Variants in NRXN3 observed in about 807,000 individuals in gnomAD.
NRXN3 encodes the protein neurexin 3.
In NRXN3, 32 loss-of-function variants were observed where a neutral mutation model predicts 137.6. That is an observed-to-expected ratio of 0.23 (90% CI 0.18 to 0.31). NRXN3 has a LOEUF of 0.31. Ranked by LOEUF, NRXN3 falls within the 10% of genes least tolerant of loss-of-function variation. The probability of loss-of-function intolerance (pLI) is 1.00; values close to 1 mark genes in which losing one functional copy is unlikely to be tolerated. For synonymous variants in NRXN3, 798 were observed against 784.5 expected (o/e 1.02, Z -0.29); for missense variants, 1,574 against 2,062.5 (o/e 0.76, Z 4.59).
intron 15 of NRXN3, among the ~76,000 whole-genome samples, chr14:79,451,706 G>A (rs780072933): frequency 2.0e-5 from 3 of 152,264 alleles, no homozygotes; most frequent in South Asian, 2.1e-4. Context: ...GAAGTGGGAG[G>A]GCTGATCAAA....
intron 15 of NRXN3, among the ~76,000 whole-genome samples, chr14:79,438,005 C>A (rs1160829436): frequency 2.0e-5 from 3 of 152,152 alleles, no homozygotes; most frequent in African/African-American, 7.2e-5. Flanking sequence ...TACCCCCAGG[C>A]CTCAGCGTGG....
At chr14:79,593,517 G>A (rs11844042) in intron 16 of NRXN3, among the ~76,000 whole-genome samples, 1 of 151,392 alleles carries the variant, frequency 6.6e-6, no homozygotes, top group Non-Finnish European at 1.5e-5. Flanking sequence ...TGTAGTCCCA[G>A]GTACTCGGGA....
chr14:78,630,641 G>C (rs1224383127), intron 4 of NRXN3, among the ~76,000 whole-genome samples: 1 of 126,100 alleles, frequency 7.9e-6, no homozygotes, highest in Non-Finnish European at 1.6e-5. Flanking sequence ...GTCTCATTCT[G>C]TCACCCAGGC....
intron 15 of NRXN3, among the ~76,000 whole-genome samples, chr14:79,088,448 A>C (rs1254066655): frequency 6.7e-6 from 1 of 150,166 alleles, no homozygotes; most frequent in African/African-American, 2.5e-5. Context: ...AGGTTTGAAC[A>C]CTTTTAAAGG....
At chr14:78,334,078 A>G (rs1163774703) in intron 4 of NRXN3, among the ~76,000 whole-genome samples, 2 of 152,182 alleles carry the variant, frequency 1.3e-5, no homozygotes, top group African/African-American at 4.8e-5. Flanking sequence ...GCAGGAAGGA[A>G]GGTATTGCCT....
At chr14:79,708,683 A>G (rs1160569909) in intron 19 of NRXN3, among the ~76,000 whole-genome samples, 2 of 152,162 alleles carry the variant, frequency 1.3e-5, no homozygotes, top group Non-Finnish European at 2.9e-5. Flanking sequence ...TGTAAAAATT[A>G]GAAACACACT....
rs199804084 is a variant in NRXN3 at position 78,584,259 on chromosome 14, T to A, written c.758-60861T>A. On this transcript the variant is annotated intron_variant, in intron 4 of 20. Transcript: ENST00000335750. ...GAGATTGAACAAGCAGAAATTCATA[T>A]AAGAGCCATACTGAGTTTACATCAG... 1.1e-4 allele frequency among the ~76,000 whole-genome samples: 17 copies of A among 152,332 alleles called. No individual in the cohort carries two copies. In the East Asian group the frequency reaches 3.3e-3, roughly 29 times the overall value.
intron 16 of NRXN3, among the ~76,000 whole-genome samples, chr14:79,527,436 G>T (rs559685424): frequency 6.6e-6 from 1 of 151,966 alleles, no homozygotes; most frequent in South Asian, 2.1e-4. Context: ...CTCTTAAGCA[G>T]AAGAAAAAGC....
intron 15 of NRXN3, among the ~76,000 whole-genome samples, chr14:79,191,155 G>T (rs2064251492): frequency 6.6e-6 from 1 of 152,194 alleles, no homozygotes; most frequent in Admixed American, 6.5e-5. Flanking sequence ...TATGCCCATT[G>T]CATGAGACAC....
chr14:78,456,915 T>TCCTTCCTCTCTCCCTCCCTTCCTC (rs2094749875), intron 4 of NRXN3, among the ~76,000 whole-genome samples: 2 of 149,914 alleles, frequency 1.3e-5, no homozygotes, highest in African/African-American at 4.9e-5. Flanking sequence ...CTTCCTTCCT[T>TCCTTCCTCTCTCCCTCCCTTCCTC]CCTTCCTCTC....
At chr14:78,578,917 GT>G (rs2096963869) in intron 4 of NRXN3, among the ~76,000 whole-genome samples, 1 of 150,636 alleles carries the variant, frequency 6.6e-6, no homozygotes, top group Non-Finnish European at 1.5e-5. Flanking sequence ...TGTGGTGTTT[GT>G]TTTTCATTGT....
intron 4 of NRXN3, among the ~76,000 whole-genome samples, chr14:78,569,888 G>A (rs1339970134): frequency 6.6e-6 from 1 of 152,206 alleles, no homozygotes; most frequent in East Asian, 1.9e-4. Flanking sequence ...GCGACTACGG[G>A]CTTGCACCCG....
In NRXN3 at chr14:79,606,296, G is replaced by A. The variant is rs553255837; in HGVS notation, c.3445-57482G>A. 1.7e-3 allele frequency among the ~76,000 whole-genome samples: 264 copies of A among 152,082 alleles called. 3 individuals are homozygous for A. Among genetic ancestry groups the A allele is most frequent in the Non-Finnish European group, 1.7e-3 (113 of 68,036 alleles). On this transcript the variant is annotated intron_variant, in intron 16 of 20. Transcript: ENST00000335750. ...AATAAATAAATAAAGCAGATAAACC[G>A]TGGTTCTTTGCTTAAAAAAAGTTGC...
intron 3 of NRXN3, among the ~76,000 whole-genome samples, chr14:78,292,436 C>T (rs558206357): frequency 3.0e-4 from 46 of 152,168 alleles, no homozygotes; most frequent in African/African-American, 8.9e-4. Context: ...ACCTGTGCGC[C>T]ACAGATAGGC....
chr14:78,763,137 A>G (rs917613083), intron 8 of NRXN3, among the ~76,000 whole-genome samples: 2 of 152,226 alleles, frequency 1.3e-5, no homozygotes, highest in African/African-American at 4.8e-5. Context: ...TGCGGATTCA[A>G]GGCAATGCTG....
chr14:79,455,156 A>T (rs1272586935), intron 15 of NRXN3, among the ~76,000 whole-genome samples: 5 of 152,206 alleles, frequency 3.3e-5, no homozygotes, highest in Admixed American at 6.5e-5. Flanking sequence ...GCGGCTGAGA[A>T]GTTCAAGATC....
rs200787215 is a variant in NRXN3 at position 79,155,533 on chromosome 14, A to G, written c.3262+167392A>G. Among the ~76,000 whole-genome samples the G allele has an allele frequency of 4.6e-5, 7 of 151,888 alleles. No individual in the cohort carries two copies. The East Asian group carries it at 9.7e-4, about 21-fold the overall frequency. ...TTAAGTTGATTTATTTTACTTAAAT[A>G]TATTTATTTTGAAAGCAAAATATAT... On this transcript the variant is annotated intron_variant, in intron 15 of 20. Coordinates refer to ENST00000335750, the MANE Select transcript of NRXN3 (RefSeq NM_001330195.2).
intron 15 of NRXN3, among the ~76,000 whole-genome samples, chr14:79,317,322 A>T (rs1056421693): frequency 2.0e-5 from 3 of 152,038 alleles, no homozygotes; most frequent in African/African-American, 7.2e-5. Context: ...ACCTCTTTTG[A>T]TTTGCTGACA....
At chr14:78,873,989 T>C (rs1441011139) in intron 10 of NRXN3, among the ~76,000 whole-genome samples, 2 of 151,784 alleles carry the variant, frequency 1.3e-5, no homozygotes, top group African/African-American at 4.8e-5. Context: ...TTTTTTTTTT[T>C]TTGAGACAAT....
Sources: gnomAD v4.1 joint callset for allele counts (sites outside exome capture counted in the v4.1 genomes callset) on GRCh38, gnomAD v4.1.1 for gene constraint, MANE v1.5 for transcripts, NCBI Gene and HGNC (gene_info 2026-07-23, HGNC 2026-07-21) for gene names.